Variants in CA13 observed in about 807,000 individuals in gnomAD.
CA13 encodes the protein carbonic anhydrase 13.
CA13 carries 21 observed loss-of-function variants against 31.5 expected under a neutral mutation model. The ratio of observed to expected loss-of-function variants is 0.67; its 90% CI spans 0.47 to 0.96. CA13 has a LOEUF of 0.96. CA13 is among the 40% of genes least tolerant of loss of function. The pLI is 0.00. For synonymous variants in CA13, 117 were observed against 111.4 expected (o/e 1.05, Z -0.32); for missense variants, 315 against 318.9 (o/e 0.99, Z 0.09).
chr8:85,271,386 G>A (rs1807523597), intron 6 of CA13, among the ~76,000 whole-genome samples: 2 of 152,268 alleles, frequency 1.3e-5, no homozygotes, highest in African/African-American at 4.8e-5. Flanking sequence ...TTGACCTAAG[G>A]GGCAAATCAG....
chr8:85,270,965 A>T (rs1249777439), intron 6 of CA13, among the ~76,000 whole-genome samples: 1 of 152,228 alleles, frequency 6.6e-6, no homozygotes, highest in Admixed American at 6.5e-5. Flanking sequence ...TATGTTTTAG[A>T]GCTCTGATGT....
At chr8:85,279,503 A>G (rs1014275747) in intron 6 of CA13, among the ~76,000 whole-genome samples, 2 of 152,226 alleles carry the variant, frequency 1.3e-5, no homozygotes, top group African/African-American at 2.4e-5. Context: ...TTACCAAAAT[A>G]CACAGGCTGG....
intron 2 of CA13, among the ~76,000 whole-genome samples, chr8:85,256,845 A>C (rs1229407522): frequency 6.6e-6 from 1 of 152,160 alleles, no homozygotes; most frequent in African/African-American, 2.4e-5. Flanking sequence ...CTTGGTGTGT[A>C]TATGCTCTGA....
At position 85,266,619 on chromosome 8, in the gene CA13, T is replaced by C. The variant is rs764429344; in HGVS notation, c.366T>C (p.Val122=). The change falls in exon 4 of 7, where the codon GTT becomes GTC. Residue 122 remains valine (V), a synonymous_variant. Transcript: ENST00000321764. ...TATCTCCCTTTCAGCTCCATGTTGT[T>C]CACTGGAATTCAGACAAATACCCCA... The part of the protein sequence containing the change: ...GVSYAAELHV[V]HWNSDKYPSF... The C allele has an allele frequency of 6.2e-7, 1 of 1,613,622 alleles. No individual in the cohort carries two copies. Among genetic ancestry groups the C allele is most frequent in the South Asian group, 1.1e-5 (1 of 91,064 alleles).
chr8:85,257,574 A>C (rs1292796598), intron 2 of CA13, among the ~76,000 whole-genome samples: 1 of 151,656 alleles, frequency 6.6e-6, no homozygotes, highest in Non-Finnish European at 1.5e-5. Flanking sequence ...AAAAAATACA[A>C]CTAGCTGGAC....
intron 6 of CA13, among the ~76,000 whole-genome samples, chr8:85,279,321 A>G (rs891641353): frequency 6.6e-6 from 1 of 152,198 alleles, no homozygotes; most frequent in Non-Finnish European, 1.5e-5. Context: ...GGAACCAGCC[A>G]GGGATGTGCA....
intron 1 of CA13, among the ~76,000 whole-genome samples, chr8:85,250,246 G>A (rs933809050): frequency 3.3e-5 from 5 of 152,172 alleles, no homozygotes; most frequent in Admixed American, 6.5e-5. Context: ...GACACTAGAC[G>A]ATAGCATTGA....
intron 6 of CA13, among the ~76,000 whole-genome samples, chr8:85,277,705 G>A (rs868478649): frequency 6.6e-6 from 1 of 152,128 alleles, no homozygotes; most frequent in African/African-American, 2.4e-5. Context: ...TTTAATGAGC[G>A]CCTGGGTGCA....
chr8:85,266,405 TAG>T (rs1382987805), intron 3 of CA13, among the ~76,000 whole-genome samples: 1 of 152,188 alleles, frequency 6.6e-6, no homozygotes, highest in Non-Finnish European at 1.5e-5. Flanking sequence ...GACCACAGAC[TAG>T]TTAAGTGACT....
rs1807734097 is a variant in CA13 at position 85,283,292 on chromosome 8, T to A, written c.*1943T>A. 1 of 152,240 alleles carries A rather than the reference T, an allele frequency of 6.6e-6. No individual in the cohort carries two copies. Among genetic ancestry groups the A allele is most frequent in the Non-Finnish European group, 1.5e-5 (1 of 68,038 alleles). The allele number at this position is 152,240 out of a possible 1,614,324, so 9.4% of individuals were successfully genotyped here. A position where few individuals can be genotyped will look rare whatever the true frequency, so the allele number is the denominator to read the frequency against. ...AGAATAACTGAATATCAGTAAATTG[T>A]GTAACAGTGGTGGATACTGTTGCAT... On this transcript the variant is annotated 3_prime_UTR_variant, in exon 7 of 7. Transcript: ENST00000321764.
chr8:85,259,375 TA>T, intron 2 of CA13, 45 bp from the exon 3 acceptor site: 1 of 1,485,948 alleles, frequency 6.7e-7, no homozygotes, highest in Non-Finnish European at 9.4e-7. Context: ...GCAGCTTATG[TA>T]AATATTTTTT....
chr8:85,257,963 G>A (rs184384707), intron 2 of CA13, among the ~76,000 whole-genome samples: 2 of 147,402 alleles, frequency 1.4e-5, no homozygotes, highest in Admixed American at 6.8e-5. Context: ...TCTGTATACA[G>A]ATATTAAATA....
chr8:85,260,769 T>A (rs191409971), intron 3 of CA13, among the ~76,000 whole-genome samples: 2 of 152,246 alleles, frequency 1.3e-5, no homozygotes, highest in Non-Finnish European at 2.9e-5. Context: ...ATAGTTTTCA[T>A]GTTTGCTTTC....
intron 2 of CA13, among the ~76,000 whole-genome samples, chr8:85,258,078 C>T (rs1351638456): frequency 6.6e-6 from 1 of 150,954 alleles, no homozygotes; most frequent in Non-Finnish European, 1.5e-5. Context: ...GTTGCCCAGG[C>T]TGGTCTTGAA....
At chr8:85,247,810 A>ATC in intron 1 of CA13, among the ~76,000 whole-genome samples, 1 of 152,034 alleles carries the variant, frequency 6.6e-6, no homozygotes, top group Non-Finnish European at 1.5e-5. Context: ...ACCTCAAGTG[A>ATC]TCTGCCTGCC....
At position 85,245,824 on chromosome 8, in the gene CA13, G is replaced by A. The variant is rs1197860054; in HGVS notation, c.-5G>A. On this transcript the variant is annotated 5_prime_UTR_variant, in exon 1 of 7. Coordinates refer to ENST00000321764, the MANE Select transcript of CA13 (RefSeq NM_198584.3). ...ATCTTTCTCTTCCTTCCACCCCGAGGGACCATGTCGAGGCTCAGCTGGGGA... is the reference window on the plus strand; with the variant it reads ...ATCTTTCTCTTCCTTCCACCCCGAGAGACCATGTCGAGGCTCAGCTGGGGA... 2 of 1,613,976 alleles carry A rather than the reference G, an allele frequency of 1.2e-6. No individual in the cohort carries two copies. Among genetic ancestry groups the A allele is most frequent in the South Asian group, 1.1e-5 (1 of 91,078 alleles).
At position 85,267,938 on chromosome 8, in the gene CA13, G is replaced by A. The variant is rs1228961851; in HGVS notation, c.487G>A (p.Asp163Asn). The A allele has an allele frequency of 6.3e-7, 1 of 1,595,074 alleles. No individual in the cohort carries two copies. The highest frequency in any genetic ancestry group is 8.6e-7 in the Non-Finnish European group (1 of 1,166,908). The change falls in exon 5 of 7, where the codon GAC becomes AAC. Residue 163 changes from aspartate (D) to asparagine (N), a missense_variant. Asp to Asn is a conservative substitution (Grantham distance 23). Transcript: ENST00000321764. ...EPNSQLQKITDTLDSIKEKGK... is the reference protein window; with the variant it reads ...EPNSQLQKITNTLDSIKEKGK... ...TAATTCCCAACTGCAAAAGATTACT[G>A]ACACTTTGGATTCCATTAAAGAAAA...
chr8:85,265,119 A>T (rs920488252), intron 3 of CA13, among the ~76,000 whole-genome samples: 8 of 152,212 alleles, frequency 5.3e-5, no homozygotes, highest in African/African-American at 1.9e-4. Flanking sequence ...AATATGCTAA[A>T]TCCTCTCTGT....
chr8:85,259,771 A>T (rs934935951), intron 3 of CA13, among the ~76,000 whole-genome samples: 1 of 152,222 alleles, frequency 6.6e-6, no homozygotes, highest in Non-Finnish European at 1.5e-5. Context: ...CCCATTTTAG[A>T]CATAAGTAAA....
Sources: allele counts gnomAD v4.1 joint callset (sites outside exome capture counted in the v4.1 genomes callset), GRCh38; gene constraint gnomAD v4.1.1; transcripts MANE v1.5; gene names NCBI Gene and HGNC (gene_info 2026-07-23, HGNC 2026-07-21).